Variants in HDAC9 observed in about 807,000 individuals in gnomAD.
HDAC9 encodes the protein MEF-2 interacting transcription repressor (MITR) protein.
HDAC9 carries 41 observed loss-of-function variants against 139.4 expected under a neutral mutation model. That is an observed-to-expected ratio of 0.29 (90% CI 0.23 to 0.38). The LOEUF (loss-of-function observed/expected upper bound fraction) is 0.38. Among genes scored for constraint, HDAC9 ranks in the 10% least tolerant of loss-of-function variants. The probability of loss-of-function intolerance (pLI) is 1.00; values close to 1 mark genes in which losing one functional copy is unlikely to be tolerated. For synonymous variants in HDAC9, 517 were observed against 476.2 expected, an observed-to-expected ratio of 1.09 and a Z score of -1.12; for missense variants, 1,147 against 1,297.0, an observed-to-expected ratio of 0.88 and a Z score of 1.78.
chr7:18,425,552 T>C (rs1019136078), intron 1 of HDAC9, among the ~76,000 whole-genome samples: 3 of 152,200 alleles, frequency 2.0e-5, no homozygotes, highest in Non-Finnish European at 2.9e-5. Context: ...GATGAAGTCT[T>C]TGGCATATTT....
chr7:18,260,285 T>G lies in HDAC9; in HGVS notation c.25+97936T>G, dbSNP rs564128756. On this transcript the variant is annotated intron_variant, in intron 2 of 12. Transcript: ENST00000417496. ...GAGAGGGCTAGCATTTACGGGGTGC[T>G]AATTCTGTGACAGACACTTTTTTTT... 5.3e-5 allele frequency among the ~76,000 whole-genome samples: 8 copies of G among 151,274 alleles called. No individual in the cohort carries two copies. The South Asian group carries it at 1.7e-3, about 32-fold the overall frequency.
intron 2 of HDAC9, among the ~76,000 whole-genome samples, chr7:18,579,386 A>G (rs958738259): frequency 2.0e-5 from 3 of 152,232 alleles, no homozygotes; most frequent in Admixed American, 6.5e-5. Context: ...TGCTGATATT[A>G]AATACATATT....
At chr7:18,184,500 T>C (rs964542283) in intron 2 of HDAC9, among the ~76,000 whole-genome samples, 1 of 152,252 alleles carries the variant, frequency 6.6e-6, no homozygotes, top group African/African-American at 2.4e-5. Context: ...GCAAATAGCC[T>C]GAAGGTAATT....
chr7:18,285,492 T>C (rs879843200), upstream of HDAC9, among the ~76,000 whole-genome samples: 1 of 152,040 alleles, frequency 6.6e-6, no homozygotes. Flanking sequence ...TTCCTAGAAA[T>C]AGAATCACTC....
At chr7:18,262,520 A>G (rs982426479) in intron 2 of HDAC9, among the ~76,000 whole-genome samples, 1 of 152,236 alleles carries the variant, frequency 6.6e-6, no homozygotes. Context: ...AGGGTATTAG[A>G]TCACAATTCA....
intron 23 of HDAC9, among the ~76,000 whole-genome samples, chr7:18,951,470 A>T (rs1010080407): frequency 2.0e-5 from 3 of 151,922 alleles, no homozygotes; most frequent in African/African-American, 7.2e-5. Context: ...TTATAACTCC[A>T]TGATAATTAC....
intron 11 of HDAC9, among the ~76,000 whole-genome samples, chr7:18,656,249 C>T (rs1791129279): frequency 6.6e-6 from 1 of 152,082 alleles, no homozygotes; most frequent in Non-Finnish European, 1.5e-5. Context: ...AAATGTACTG[C>T]TGCTCTCTTG....
At chr7:18,438,514 T>C (rs1791432400) in intron 1 of HDAC9, among the ~76,000 whole-genome samples, 1 of 152,182 alleles carries the variant, frequency 6.6e-6, no homozygotes, top group Non-Finnish European at 1.5e-5. Context: ...GTTTTTATTT[T>C]CAATCACAAC....
At chr7:18,118,545 T>G (rs1784164440) in intron 1 of HDAC9, among the ~76,000 whole-genome samples, 1 of 152,228 alleles carries the variant, frequency 6.6e-6, no homozygotes, top group South Asian at 2.1e-4. Context: ...ACAATTTCAC[T>G]GTCTGAGCTA....
intron 1 of HDAC9, among the ~76,000 whole-genome samples, chr7:18,433,638 A>G (rs575281981): frequency 6.6e-6 from 1 of 152,248 alleles, no homozygotes; most frequent in East Asian, 1.9e-4. Flanking sequence ...CAAGCTGAGA[A>G]CCAAATCAAG....
At chr7:18,788,345 C>G (rs1733807809) in intron 16 of HDAC9, among the ~76,000 whole-genome samples, 1 of 152,202 alleles carries the variant, frequency 6.6e-6, no homozygotes, top group Admixed American at 6.5e-5. Flanking sequence ...CTGCACTCTA[C>G]AGGAACCAAG....
At chr7:18,885,904 C>A (rs1376252742) in intron 22 of HDAC9, among the ~76,000 whole-genome samples, 2 of 152,110 alleles carry the variant, frequency 1.3e-5, no homozygotes, top group African/African-American at 4.8e-5. Flanking sequence ...AAAATTCCTG[C>A]AAACCAGTAT....
intron 13 of HDAC9, 30 bp downstream of exon 13, chr7:18,727,787 G>A (rs1785675576): frequency 6.9e-7 from 1 of 1,442,900 alleles, no homozygotes. Flanking sequence ...CTCTCTAATA[G>A]GCAGGCTAAA....
chr7:18,702,193 T>C (rs1252821679), intron 12 of HDAC9, among the ~76,000 whole-genome samples: 1 of 152,180 alleles, frequency 6.6e-6, no homozygotes, highest in East Asian at 1.9e-4. Context: ...TATGGTTGTT[T>C]GCTCCTCTCT....
chr7:18,853,779 G>T (rs1797474327), intron 21 of HDAC9, among the ~76,000 whole-genome samples: 2 of 152,068 alleles, frequency 1.3e-5, no homozygotes, highest in Admixed American at 6.6e-5. Context: ...TTTACAACAT[G>T]ATTATATAAT....
intron 12 of HDAC9, among the ~76,000 whole-genome samples, chr7:18,702,776 ATCTCTGCCCACACTTTAC>A (rs1469528023): frequency 6.6e-6 from 1 of 152,184 alleles, no homozygotes; most frequent in Non-Finnish European, 1.5e-5. Context: ...TTTACCAAAA[ATCTCTGCCCACACTTTAC>A]TCTTTGCAAC....
intron 6 of HDAC9, among the ~76,000 whole-genome samples, chr7:18,626,254 T>TGCA (rs1841684567): frequency 6.6e-6 from 1 of 152,098 alleles, no homozygotes; most frequent in African/African-American, 2.4e-5. Context: ...TGGCCAGTTA[T>TGCA]GCAGCACTGT....
At chr7:18,583,955 C>A (rs755769011) in intron 2 of HDAC9, among the ~76,000 whole-genome samples, 2 of 152,080 alleles carry the variant, frequency 1.3e-5, no homozygotes, top group Non-Finnish European at 2.9e-5. Flanking sequence ...ACCTTTTACA[C>A]TGAACTACAG....
intron 13 of HDAC9, 96 bp downstream of exon 13, chr7:18,727,853 G>A: frequency 3.0e-6 from 3 of 999,046 alleles, no homozygotes; most frequent in Non-Finnish European, 4.1e-6. Context: ...TCCAATAGCA[G>A]AACACTCCAT....
Sources: allele counts gnomAD v4.1 joint callset (sites outside exome capture counted in the v4.1 genomes callset), GRCh38; gene constraint gnomAD v4.1.1; transcripts MANE v1.5; gene names NCBI Gene and HGNC (gene_info 2026-07-23, HGNC 2026-07-21).